The following MACROD2 variants were observed in gnomAD, a reference collection of about 807,000 sequenced individuals.
MACROD2 encodes the protein mono-ADP ribosylhydrolase 2, also known as ADP-ribose glycohydrolase MACROD2.
A neutral mutation model predicts 70.4 loss-of-function variants in MACROD2; 36 were observed. The ratio of observed to expected loss-of-function variants is 0.51; its 90% CI spans 0.39 to 0.68. MACROD2 has a LOEUF of 0.68. Ranked by LOEUF, MACROD2 falls within the 30% of genes least tolerant of loss-of-function variation. The probability of loss-of-function intolerance (pLI) is 0.00; values close to 1 mark genes in which losing one functional copy is unlikely to be tolerated. For synonymous variants in MACROD2, 172 were observed against 178.8 expected, an observed-to-expected ratio of 0.96 and a Z score of 0.30; for missense variants, 496 against 538.4, an observed-to-expected ratio of 0.92 and a Z score of 0.78.
At chr20:15,865,077 A>T (rs2064473637) in intron 9 of MACROD2, among the ~76,000 whole-genome samples, 1 of 152,146 alleles carries the variant, frequency 6.6e-6, no homozygotes, top group African/African-American at 2.4e-5. Context: ...GTGCATTATT[A>T]TTCATGATAT....
At chr20:15,504,099 A>G (rs1004580386) in intron 8 of MACROD2, among the ~76,000 whole-genome samples, 4 of 152,204 alleles carry the variant, frequency 2.6e-5, no homozygotes, top group Non-Finnish European at 4.4e-5. Flanking sequence ...TGATTTGCTT[A>G]TGTTTAATTT....
chr20:14,349,243 CTTAT>C (rs1704919328), intron 3 of MACROD2, among the ~76,000 whole-genome samples: 2 of 128,498 alleles, frequency 1.6e-5, no homozygotes, highest in Admixed American at 7.9e-5. Flanking sequence ...TGTTTTATAA[CTTAT>C]TTGTTTTTTA....
chr20:15,552,818 G>GA (rs1234009011), intron 8 of MACROD2: 3 of 152,164 alleles, frequency 2.0e-5, no homozygotes, highest in Non-Finnish European at 4.4e-5. Flanking sequence ...TGAGTCCTCA[G>GA]AAAAAATCTG....
At chr20:14,476,113 T>G (rs2084591754) in intron 3 of MACROD2, among the ~76,000 whole-genome samples, 1 of 152,168 alleles carries the variant, frequency 6.6e-6, no homozygotes, top group Non-Finnish European at 1.5e-5. Flanking sequence ...CTTTTGGAGT[T>G]TATTGTCTCA....
At chr20:15,288,135 A>G (rs570540467) in intron 6 of MACROD2, among the ~76,000 whole-genome samples, 34 of 152,344 alleles carry the variant, frequency 2.2e-4, no homozygotes, top group East Asian at 7.7e-4. Flanking sequence ...CTGAAATCCA[A>G]TGCAAAGTAG....
At chr20:15,014,896 G>C in intron 5 of MACROD2, among the ~76,000 whole-genome samples, 1 of 151,496 alleles carries the variant, frequency 6.6e-6, no homozygotes, top group Non-Finnish European at 1.5e-5. Context: ...TTTTTGATGC[G>C]ATCCCCCCTT....
intron 8 of MACROD2, among the ~76,000 whole-genome samples, chr20:15,528,479 T>C (rs1438985340): frequency 6.6e-6 from 1 of 152,180 alleles, no homozygotes; most frequent in Non-Finnish European, 1.5e-5. Context: ...CTTCCTACAA[T>C]GCACAGAACA....
At chr20:14,906,292 A>G (rs1253899831) in intron 5 of MACROD2, among the ~76,000 whole-genome samples, 1 of 152,104 alleles carries the variant, frequency 6.6e-6, no homozygotes, top group Non-Finnish European at 1.5e-5. Flanking sequence ...TCAGGGGTTC[A>G]AGACCAGCCT....
chr20:15,608,085 A>G (rs2048918475), intron 8 of MACROD2, among the ~76,000 whole-genome samples: 1 of 152,188 alleles, frequency 6.6e-6, no homozygotes, highest in Non-Finnish European at 1.5e-5. Flanking sequence ...AGAATTCTCT[A>G]CTTCTCATAC....
At chr20:15,679,342 G>T (rs1003233570) in intron 8 of MACROD2, among the ~76,000 whole-genome samples, 3 of 152,130 alleles carry the variant, frequency 2.0e-5, no homozygotes, top group Non-Finnish European at 4.4e-5. Flanking sequence ...AAGGGTGAGG[G>T]GTGGTCAGGG....
chr20:15,197,541 G>C (rs1202853278), intron 5 of MACROD2, among the ~76,000 whole-genome samples: 1 of 152,140 alleles, frequency 6.6e-6, no homozygotes. Flanking sequence ...CTAGACAATT[G>C]AATCTCTGGC....
chr20:15,509,434 G>A (rs1352256135), intron 8 of MACROD2, among the ~76,000 whole-genome samples: 1 of 152,152 alleles, frequency 6.6e-6, no homozygotes, highest in Non-Finnish European at 1.5e-5. Flanking sequence ...TTAAAAAAAG[G>A]AGAGAGAATG....
rs563209506 is a variant in MACROD2, at chr20:15,362,705, G to A, written c.541-68700G>A. Among the ~76,000 whole-genome samples, 109 of 151,892 alleles carry A rather than the reference G, an allele frequency of 7.2e-4. 2 individuals are homozygous for A. The highest frequency in any genetic ancestry group is 1.3e-4 in the Admixed American group (2 of 15,252). On this transcript the variant is annotated intron_variant, in intron 6 of 17. Coordinates refer to ENST00000684519, the MANE Select transcript of MACROD2 (RefSeq NM_001351661.2). ...GTAGTGATCAAATAAATTGTTGAAT[G>A]TATAGGAAAAAATTTAAAAAGATAT... is the stretch of plus-strand genomic sequence containing the variant.
chr20:15,548,932 G>A (rs1038759940), intron 8 of MACROD2, among the ~76,000 whole-genome samples: 2 of 152,106 alleles, frequency 1.3e-5, no homozygotes, highest in African/African-American at 4.8e-5. Context: ...TCTCAGTCCG[G>A]GATGTGAGCC....
At chr20:14,987,635 A>C (rs1271994388) in intron 5 of MACROD2, among the ~76,000 whole-genome samples, 1 of 152,166 alleles carries the variant, frequency 6.6e-6, no homozygotes, top group Non-Finnish European at 1.5e-5. Flanking sequence ...AAAGGAGATG[A>C]TGCTGTGGAA....
intron 4 of MACROD2, among the ~76,000 whole-genome samples, chr20:14,623,270 G>A (rs1476288156): frequency 1.3e-5 from 2 of 152,030 alleles, no homozygotes; most frequent in Non-Finnish European, 2.9e-5. Context: ...AATATACTGG[G>A]TCTGCTATGG....
At chr20:14,887,826 G>C (rs1255193244) in intron 5 of MACROD2, among the ~76,000 whole-genome samples, 1 of 151,042 alleles carries the variant, frequency 6.6e-6, no homozygotes, top group Non-Finnish European at 1.5e-5. Context: ...GACTTGTCTC[G>C]TGATGTCACA....
intron 3 of MACROD2, among the ~76,000 whole-genome samples, chr20:14,098,258 T>C (rs1254755689): frequency 6.6e-6 from 1 of 152,370 alleles, no homozygotes; most frequent in East Asian, 1.9e-4. Context: ...GGGTTTATTC[T>C]GTGTCCTTCA....
intron 5 of MACROD2, among the ~76,000 whole-genome samples, chr20:15,085,526 A>G (rs1479080640): frequency 1.3e-5 from 2 of 152,090 alleles, no homozygotes; most frequent in African/African-American, 4.8e-5. Context: ...ATACATAAAG[A>G]ACTTTTACAA....
Sources: allele counts gnomAD v4.1 joint callset (sites outside exome capture counted in the v4.1 genomes callset), GRCh38; gene constraint gnomAD v4.1.1; transcripts MANE v1.5; gene names NCBI Gene and HGNC (gene_info 2026-07-23, HGNC 2026-07-21).